Variants in RIPK2 observed in about 807,000 individuals in gnomAD.
RIPK2 encodes receptor-interacting serine/threonine-protein kinase 2.
A neutral mutation model predicts 60.9 loss-of-function variants in RIPK2; 38 were observed. That is an observed-to-expected ratio of 0.62 (90% CI 0.48 to 0.82). RIPK2 has a LOEUF of 0.82. Among genes scored for constraint, RIPK2 ranks in the 40% least tolerant of loss-of-function variants. The probability of loss-of-function intolerance (pLI) is 0.00; values close to 1 mark genes in which losing one functional copy is unlikely to be tolerated. For synonymous variants in RIPK2, 225 were observed against 223.4 expected, an observed-to-expected ratio of 1.01 and a Z score of -0.06; for missense variants, 518 against 647.0, an observed-to-expected ratio of 0.80 and a Z score of 2.16.
At chr8:89,787,815 AC>A (rs1406120316) in intron 9 of RIPK2, among the ~76,000 whole-genome samples, 1 of 152,126 alleles carries the variant, frequency 6.6e-6, no homozygotes, top group Non-Finnish European at 1.5e-5. Context: ...GGAAAAGGAA[AC>A]TTGAGATGGG....
At chr8:89,769,703 A>C in intron 3 of RIPK2, 69 bp from the exon 4 acceptor site, 1 of 1,123,008 alleles carries the variant, frequency 8.9e-7, no homozygotes, top group Non-Finnish European at 1.3e-6. Flanking sequence ...GTGAATATAC[A>C]AAAAGATAGT....
intron 1 of RIPK2, among the ~76,000 whole-genome samples, chr8:89,761,064 T>G (rs986671011): frequency 6.6e-6 from 1 of 152,210 alleles, no homozygotes; most frequent in African/African-American, 2.4e-5. Context: ...GCTTTTCACT[T>G]TATGCCTTCT....
rs143119055 is a variant in RIPK2, at chr8:89,775,292, A to T, written c.853+2464A>T. 1.1e-3 allele frequency among the ~76,000 whole-genome samples: 175 copies of T among 152,220 alleles called. 2 individuals carry two copies. The Middle Eastern group carries it at 0.017, about 15-fold the overall frequency. On this transcript the variant is annotated intron_variant, in intron 6 of 10. Transcript: ENST00000220751. The stretch of plus-strand genomic sequence containing the variant: ...GTCTCAACAAAAATAAAAATAAAAA[A>T]AAAATAAAAAATTAGCCAGACATGG...
intron 3 of RIPK2, 111 bp downstream of exon 3, chr8:89,765,607 C>A (rs1360172336): frequency 4.6e-5 from 28 of 605,080 alleles, no homozygotes; most frequent in Non-Finnish European, 3.0e-5. Flanking sequence ...GAGATAGAGA[C>A]TAATGAATAG....
At chr8:89,762,182 A>G (rs978513827) in intron 1 of RIPK2, among the ~76,000 whole-genome samples, 1 of 151,366 alleles carries the variant, frequency 6.6e-6, no homozygotes, top group African/African-American at 2.4e-5. Context: ...AGAAAAATAG[A>G]AAAAAAAATA....
At chr8:89,784,438 T>C (rs1400548988) in intron 8 of RIPK2, among the ~76,000 whole-genome samples, 2 of 152,228 alleles carry the variant, frequency 1.3e-5, no homozygotes, top group Non-Finnish European at 2.9e-5. Flanking sequence ...GGCAAATCAT[T>C]GATTACAGTT....
chr8:89,787,901 GGGGTGGT>G (rs1453446341), intron 9 of RIPK2, among the ~76,000 whole-genome samples: 1 of 152,140 alleles, frequency 6.6e-6, no homozygotes, highest in African/African-American at 2.4e-5. Flanking sequence ...AAAGAAAGGA[GGGGTGGT>G]ATGTGAGATG....
At position 89,778,104 on chromosome 8, in the gene RIPK2, G is replaced by A. The variant is rs1809431610; in HGVS notation, c.854-1971G>A. 4.6e-5 allele frequency among the ~76,000 whole-genome samples: 7 copies of A among 151,138 alleles called. No homozygotes were observed. The South Asian group carries it at 1.5e-3, about 31-fold the overall frequency. On this transcript the variant is annotated intron_variant, in intron 6 of 10. Coordinates refer to ENST00000220751, the MANE Select transcript of RIPK2 (RefSeq NM_003821.6). ...ATAAAGGAAGCTTGAAAAACTAAAAGCAAGCAATATTTTTCCTTTTTTTAA... is the reference window on the plus strand; with the variant it reads ...ATAAAGGAAGCTTGAAAAACTAAAAACAAGCAATATTTTTCCTTTTTTTAA...
At chr8:89,773,918 T>C (rs913000877) in intron 6 of RIPK2, among the ~76,000 whole-genome samples, 1 of 152,078 alleles carries the variant, frequency 6.6e-6, no homozygotes, top group Non-Finnish European at 1.5e-5. Context: ...AAAGGTACTA[T>C]TGAGAAAAGA....
At position 89,769,860 on chromosome 8, in the gene RIPK2, T is replaced by C; in HGVS notation, c.572T>C (p.Ile191Thr). Residue 191 changes from isoleucine to threonine, a missense_variant, in exon 4 of 11, where the codon ATC (isoleucine) becomes ACC (threonine). Transcript: ENST00000220751. The stretch of plus-strand genomic sequence containing the variant: ...TCTGCACCAGAAGGAGGGACAATTA[T>C]CTATATGCCACCTGAAAACTATGAA... ...SKSAPEGGTIIYMPPENYEPG... is the reference protein window; with the variant it reads ...SKSAPEGGTITYMPPENYEPG... The C allele has an allele frequency of 6.2e-7, 1 of 1,609,052 alleles. No individual in the cohort carries two copies. The highest frequency in any genetic ancestry group is 8.5e-7 in the Non-Finnish European group (1 of 1,177,152).
intron 6 of RIPK2, among the ~76,000 whole-genome samples, chr8:89,775,374 C>G (rs1367931103): frequency 6.6e-6 from 1 of 152,084 alleles, no homozygotes; most frequent in Non-Finnish European, 1.5e-5. Context: ...TTGCTTGAGC[C>G]CAAAATGTTG....
At chr8:89,788,643 A>C (rs1809624935) in intron 9 of RIPK2, among the ~76,000 whole-genome samples, 1 of 151,766 alleles carries the variant, frequency 6.6e-6, no homozygotes, top group Non-Finnish European at 1.5e-5. Flanking sequence ...CAGTTGTGGT[A>C]GCATGCAACT....
At chr8:89,775,863 A>G (rs898849749) in intron 6 of RIPK2, among the ~76,000 whole-genome samples, 10 of 152,188 alleles carry the variant, frequency 6.6e-5, no homozygotes, top group African/African-American at 2.4e-4. Flanking sequence ...ATAAAGTACA[A>G]TGCCTATTAC....
chr8:89,771,402 C>A (rs1383110107), intron 4 of RIPK2, among the ~76,000 whole-genome samples: 4 of 151,842 alleles, frequency 2.6e-5, no homozygotes, highest in Admixed American at 2.6e-4. Context: ...CTCCATGAGA[C>A]AATTTTTTTC....
intron 6 of RIPK2, among the ~76,000 whole-genome samples, 171 bp from the exon 7 acceptor site, chr8:89,779,904 T>G (rs1032313611): frequency 1.7e-4 from 26 of 152,328 alleles, no homozygotes; most frequent in African/African-American, 6.3e-4. Flanking sequence ...TCAACACTAT[T>G]CCATTGTTGC....
At chr8:89,761,260 TATC>T (rs1207835859) in intron 1 of RIPK2, among the ~76,000 whole-genome samples, 2 of 152,158 alleles carry the variant, frequency 1.3e-5, no homozygotes, top group Non-Finnish European at 2.9e-5. Flanking sequence ...AGAACTAACT[TATC>T]ATCATTACTT....
chr8:89,758,429 G>A (rs1168148965), intron 1 of RIPK2, among the ~76,000 whole-genome samples, 196 bp downstream of exon 1: 2 of 152,176 alleles, frequency 1.3e-5, no homozygotes, highest in Non-Finnish European at 1.5e-5. Context: ...GGGAGCACAG[G>A]CTTCTCTGGA....
At chr8:89,780,275 A>G (rs1809476658) in intron 7 of RIPK2, 115 bp downstream of exon 7, 1 of 523,158 alleles carries the variant, frequency 1.9e-6, no homozygotes, top group African/African-American at 2.0e-5. Context: ...GATATAAGCT[A>G]CAGTTTTGGA....
intron 1 of RIPK2, 42 bp from the exon 2 acceptor site, chr8:89,762,787 A>G (rs760732830): frequency 1.7e-6 from 2 of 1,149,384 alleles, no homozygotes; most frequent in African/African-American, 3.2e-5. Context: ...ATAATTGTAT[A>G]TTTTTTTATT....
Sources: allele counts gnomAD v4.1 joint callset (sites outside exome capture counted in the v4.1 genomes callset), GRCh38; gene constraint gnomAD v4.1.1; transcripts MANE v1.5; gene names NCBI Gene and HGNC (gene_info 2026-07-23, HGNC 2026-07-21).